Variants in CRLF3 observed in about 807,000 individuals in gnomAD.
CRLF3 encodes the protein cytokine receptor-like factor 3.
In CRLF3, 33 loss-of-function variants were observed where a neutral mutation model predicts 55.0. That is an observed-to-expected ratio of 0.60 (90% CI 0.46 to 0.80). The LOEUF is 0.80. Among genes scored for constraint, CRLF3 ranks in the 30% least tolerant of loss-of-function variants. The pLI is 0.00. For synonymous variants in CRLF3, 238 were observed against 196.8 expected (o/e 1.21, Z -1.75); for missense variants, 494 against 538.4 (o/e 0.92, Z 0.82).
chr17:30,804,860 AATTTTCTT>A (rs1485651208), intron 1 of CRLF3, among the ~76,000 whole-genome samples: 1 of 152,184 alleles, frequency 6.6e-6, no homozygotes, highest in East Asian at 1.9e-4. Flanking sequence ...TCTATGCCTC[AATTTTCTT>A]ATTTGTCAAA....
rs1198759700 is a variant in CRLF3 at position 30,784,328 on chromosome 17, T to G, written c.1188A>C (p.Glu396Asp). ...TTACTCGAAGCTTGAAGTGTCCACC[T>G]TCATTATTACTGGTGGTTCCTAGAG... ...AVTLGTTSNN[E>D]GGHFKLRVTI... The change falls in exon 8 of 8, where the codon GAA becomes GAC. Residue 396 changes from glutamate to aspartate, a missense_variant. Physicochemically the swap from Glu to Asp is conservative, Grantham distance 45. Coordinates refer to ENST00000324238, the MANE Select transcript of CRLF3 (RefSeq NM_015986.4). The G allele has an allele frequency of 6.2e-7, 1 of 1,614,122 alleles. No individual in the cohort carries two copies. The highest frequency in any genetic ancestry group is 1.7e-5 in the Admixed American group (1 of 60,014).
chr17:30,807,821 C>T (rs8064686), intron 1 of CRLF3, among the ~76,000 whole-genome samples: 19,211 of 151,862 alleles, frequency 0.13, 1,267 homozygotes, highest in South Asian at 0.25. Flanking sequence ...CTCATCCAGC[C>T]CTTTTCTCTC....
At chr17:30,820,457 G>T (rs1249949019) in intron 1 of CRLF3, among the ~76,000 whole-genome samples, 1 of 152,098 alleles carries the variant, frequency 6.6e-6, no homozygotes, top group African/African-American at 2.4e-5. Context: ...GGGAGGCCGA[G>T]GCAAGAGGAT....
In CRLF3 at chr17:30,784,126, C is replaced by A; in HGVS notation, c.*61G>T. ...AACTTTTTTTTTAAAGCAATTACAA[C>A]TACGCTGGGCTGAGGACAGCTACGT... On this transcript the variant is annotated 3_prime_UTR_variant, in exon 8 of 8. Coordinates refer to ENST00000324238, the MANE Select transcript of CRLF3 (RefSeq NM_015986.4). 1 of 1,471,486 alleles carries A rather than the reference C, an allele frequency of 6.8e-7. No homozygotes were observed. Among genetic ancestry groups the A allele is most frequent in the Non-Finnish European group, 9.2e-7 (1 of 1,089,550 alleles). The allele number at this position is 1,471,486 out of a possible 1,614,324, so 91.2% of individuals were successfully genotyped here. A position where few individuals can be genotyped will look rare whatever the true frequency, so the allele number is the denominator to read the frequency against.
Position 30,784,102 on chromosome 17 carries a change from A to T in CRLF3, c.*85T>A. On this transcript the variant is annotated 3_prime_UTR_variant, in exon 8 of 8. Coordinates refer to ENST00000324238, the MANE Select transcript of CRLF3 (RefSeq NM_015986.4). The stretch of plus-strand genomic sequence containing the variant: ...ATGGCCTAAGTTAGAGATGAATTCA[A>T]CTTTTTTTTTAAAGCAATTACAACT... 8.0e-7 allele frequency: 1 copy of T among 1,256,274 alleles called. No individual in the cohort carries two copies. Among genetic ancestry groups the T allele is most frequent in the Non-Finnish European group, 1.1e-6 (1 of 904,074 alleles). 77.8% of individuals were successfully genotyped at this position (1,256,274 alleles called of 1,614,324 possible).
Position 30,797,481 on chromosome 17 carries a change from C to G in CRLF3, c.338-83G>C. The stretch of plus-strand genomic sequence containing the variant: ...ACACAACTCATGTCTGGGTGGGTCT[C>G]TAGCGTTCTTGCAAATAAGTTCTTA... On this transcript the variant is annotated intron_variant, in intron 2 of 7. Coordinates refer to ENST00000324238, the MANE Select transcript of CRLF3 (RefSeq NM_015986.4). 1.2e-5 allele frequency: 13 copies of G among 1,119,094 alleles called. No homozygotes were observed. The South Asian group carries it at 1.7e-4, about 14-fold the overall frequency. The allele number at this position is 1,119,094 out of a possible 1,614,324, so 69.3% of individuals were successfully genotyped here. A position where few individuals can be genotyped will look rare whatever the true frequency, so the allele number is the denominator to read the frequency against.
intron 6 of CRLF3, among the ~76,000 whole-genome samples, chr17:30,792,170 C>T (rs56846352): frequency 0.23 from 34,239 of 151,924 alleles, 5,523 homozygotes; most frequent in African/African-American, 0.46. Flanking sequence ...TTGAGAGATA[C>T]TCTACTTACC....
intron 6 of CRLF3, among the ~76,000 whole-genome samples, chr17:30,790,370 A>G (rs1366136286): frequency 6.6e-6 from 1 of 152,206 alleles, no homozygotes; most frequent in African/African-American, 2.4e-5. Flanking sequence ...CTATTCAGAA[A>G]CATGACTATA....
Position 30,787,124 on chromosome 17 carries a change from C to T in CRLF3, c.960-1093G>A, listed in dbSNP as rs138163626. ...GTGCTGGGATTACGGAGTGAGCCAC[C>T]GTGCCCGGCCTAGAATCTATATTCT... On this transcript the variant is annotated intron_variant, in intron 6 of 7. Coordinates refer to ENST00000324238, the MANE Select transcript of CRLF3 (RefSeq NM_015986.4). Among the ~76,000 whole-genome samples the T allele has an allele frequency of 5.5e-4, 84 of 152,214 alleles. 1 individual carries two copies. The highest frequency in any genetic ancestry group is 1.8e-3 in the African/African-American group (73 of 41,540).
At chr17:30,817,341 G>A (rs1597933227) in intron 1 of CRLF3, among the ~76,000 whole-genome samples, 1 of 152,150 alleles carries the variant, frequency 6.6e-6, no homozygotes, top group Non-Finnish European at 1.5e-5. Flanking sequence ...AGGAGGCTGA[G>A]GCAGGAGAAT....
intron 1 of CRLF3, among the ~76,000 whole-genome samples, chr17:30,811,831 C>G: frequency 1.6e-5 from 2 of 121,420 alleles, no homozygotes; most frequent in African/African-American, 3.1e-5. Flanking sequence ...AAAAAAAAGG[C>G]CAGGTGCGGT....
At chr17:30,808,433 G>A (rs1402963642) in intron 1 of CRLF3, among the ~76,000 whole-genome samples, 2 of 148,406 alleles carry the variant, frequency 1.3e-5, no homozygotes, top group African/African-American at 2.5e-5. Context: ...GATTACAGGC[G>A]CATGCCACCA....
At chr17:30,791,889 C>T (rs1405245953) in intron 6 of CRLF3, among the ~76,000 whole-genome samples, 5 of 151,852 alleles carry the variant, frequency 3.3e-5, no homozygotes, top group Non-Finnish European at 5.9e-5. Flanking sequence ...TCTTGTTGCC[C>T]AGGCTGGAGT....
At chr17:30,813,999 G>A (rs28760584) in intron 1 of CRLF3, among the ~76,000 whole-genome samples, 19,314 of 152,166 alleles carry the variant, frequency 0.13, 1,290 homozygotes, top group South Asian at 0.25. Context: ...GCTCTCACTT[G>A]TAATCCCAGC....
chr17:30,784,517 G>A, intron 7 of CRLF3, 74 bp from the exon 8 acceptor site: 1 of 1,268,262 alleles, frequency 7.9e-7, no homozygotes, highest in Non-Finnish European at 1.1e-6. Context: ...CTAGATTACT[G>A]GTAACACAGC....
At chr17:30,815,761 C>A (rs1904780347) in intron 1 of CRLF3, among the ~76,000 whole-genome samples, 1 of 149,754 alleles carries the variant, frequency 6.7e-6, no homozygotes, top group African/African-American at 2.5e-5. Flanking sequence ...CCAGGCTGGT[C>A]TCGAACTCCT....
At chr17:30,789,125 A>T (rs986892781) in intron 6 of CRLF3, among the ~76,000 whole-genome samples, 9 of 152,084 alleles carry the variant, frequency 5.9e-5, no homozygotes, top group Non-Finnish European at 8.8e-5. Context: ...CACAAAGAAA[A>T]AAATGACAAA....
At chr17:30,785,350 G>T (rs1201682399) in intron 7 of CRLF3, among the ~76,000 whole-genome samples, 2 of 151,568 alleles carry the variant, frequency 1.3e-5, no homozygotes, top group African/African-American at 4.8e-5. Flanking sequence ...GCTGGGATTA[G>T]AGGCGTGATC....
intron 6 of CRLF3, among the ~76,000 whole-genome samples, chr17:30,788,896 G>A (rs545034444): frequency 1.2e-4 from 18 of 152,066 alleles, no homozygotes; most frequent in African/African-American, 3.1e-4. Context: ...GTGAGCCACC[G>A]TGCCCGGCTA....
Sources: allele counts gnomAD v4.1 joint callset (sites outside exome capture counted in the v4.1 genomes callset), GRCh38; gene constraint gnomAD v4.1.1; transcripts MANE v1.5; gene names NCBI Gene and HGNC (gene_info 2026-07-23, HGNC 2026-07-21).